The following PCDHA1 variants were observed in gnomAD, a reference collection of about 807,000 sequenced individuals.
PCDHA1 encodes protocadherin alpha 1.
PCDHA1 carries 42 observed loss-of-function variants against 61.3 expected under a neutral mutation model. The observed-to-expected ratio is 0.69, with a 90% CI of 0.54 to 0.89. PCDHA1 has a LOEUF of 0.89. Ranked by LOEUF, PCDHA1 falls within the 40% of genes least tolerant of loss-of-function variation. The pLI, the probability that PCDHA1 is intolerant of heterozygous loss-of-function variation, is 0.00. For synonymous variants in PCDHA1, 610 were observed against 553.8 expected (o/e 1.10, Z -1.43); for missense variants, 1,256 against 1,235.3 (o/e 1.02, Z -0.25).
chr5:140,876,062 G>C, intron 1 of PCDHA1: 1 of 1,613,842 alleles, frequency 6.2e-7, no homozygotes, highest in South Asian at 1.1e-5. Flanking sequence ...TTAGTTCTTC[G>C]GAAGTTATTG....
intron 3 of PCDHA1, among the ~76,000 whole-genome samples, chr5:140,992,799 A>T (rs577698123): frequency 6.6e-6 from 1 of 152,274 alleles, no homozygotes; most frequent in African/African-American, 2.4e-5. Flanking sequence ...TTATGGATCC[A>T]TATGTATCTA....
At chr5:140,820,015 A>G (rs1338632011) in intron 1 of PCDHA1, among the ~76,000 whole-genome samples, 1 of 151,992 alleles carries the variant, frequency 6.6e-6, no homozygotes, top group Non-Finnish European at 1.5e-5. Context: ...AATTTATTCC[A>G]TAGCTTTGTA....
chr5:140,794,833 T>A, intron 1 of PCDHA1: 1 of 1,011,376 alleles, frequency 9.9e-7, no homozygotes, highest in South Asian at 1.7e-5. Context: ...GGAAGGAAAA[T>A]ACCCAGAGCC....
Position 140,786,519 on chromosome 5 carries a change from G to T in PCDHA1, c.229G>T (p.Val77Leu). The change falls in exon 1 of 4, where the codon GTA (valine) becomes TTA (leucine). Residue 77 changes from valine to leucine, a missense_variant. Val to Leu is a conservative substitution (Grantham distance 32). Transcript: ENST00000504120. ...ASKTHRDLLE[V>L]NLQNGILFVN... is the part of the protein sequence containing the mutation. Reference sequence around the variant, plus strand: ...CAAAACACACAGGGACCTTCTGGAGGTAAATCTGCAGAATGGCATTTTGTT... The same window carrying T: ...CAAAACACACAGGGACCTTCTGGAGTTAAATCTGCAGAATGGCATTTTGTT... 6.2e-7 allele frequency: 1 copy of T among 1,614,074 alleles called. No homozygotes were observed. Among genetic ancestry groups the T allele is most frequent in the South Asian group, 1.1e-5 (1 of 91,074 alleles).
At chr5:140,891,722 T>C (rs534881594) in intron 1 of PCDHA1, among the ~76,000 whole-genome samples, 1 of 152,292 alleles carries the variant, frequency 6.6e-6, no homozygotes, top group East Asian at 1.9e-4. Flanking sequence ...CAAATTCATG[T>C]GTTGAAAATT....
At chr5:141,007,395 C>CAAAA (rs35800918) in intron 3 of PCDHA1, among the ~76,000 whole-genome samples, 7 of 94,852 alleles carry the variant, frequency 7.4e-5, no homozygotes, top group East Asian at 2.9e-4. Context: ...TACTAAAATA[C>CAAAA]AAAAAAAAAA....
chr5:140,830,183 G>C, intron 1 of PCDHA1: 1 of 1,613,640 alleles, frequency 6.2e-7, no homozygotes, highest in Non-Finnish European at 8.5e-7. Flanking sequence ...GGATGTCAAC[G>C]TGTACCTGAT....
intron 1 of PCDHA1, chr5:140,830,232 C>T (rs782042680): frequency 1.9e-6 from 3 of 1,613,928 alleles, no homozygotes; most frequent in East Asian, 2.2e-5. Context: ...CTGGTCCTCA[C>T]GCTACTGCTG....
chr5:140,998,042 C>T (rs187874119), intron 3 of PCDHA1, among the ~76,000 whole-genome samples: 21 of 152,284 alleles, frequency 1.4e-4, no homozygotes, highest in Non-Finnish European at 2.2e-4. Flanking sequence ...TGTCACTTAA[C>T]TCAGTGACAT....
At position 140,809,418 on chromosome 5, in the gene PCDHA1, C is replaced by T. The variant is rs1554125201; in HGVS notation, c.2394+20734C>T. Reference sequence around the variant, plus strand: ...AAGCCCACGCTGGTGTGCTCCAGTGCGGTGGGGAGCTGGTCATACTCGCAG... The same window carrying T: ...AAGCCCACGCTGGTGTGCTCCAGTGTGGTGGGGAGCTGGTCATACTCGCAG... On this transcript the variant is annotated intron_variant, in intron 1 of 3. Coordinates refer to ENST00000504120, the MANE Select transcript of PCDHA1 (RefSeq NM_018900.4). The T allele has an allele frequency of 1.9e-6, 3 of 1,614,188 alleles. No homozygotes were observed. Among genetic ancestry groups the T allele is most frequent in the Non-Finnish European group, 2.5e-6 (3 of 1,180,014 alleles).
intron 1 of PCDHA1, chr5:140,864,379 T>G (rs991413766): frequency 6.6e-6 from 1 of 152,364 alleles, no homozygotes; most frequent in African/African-American, 2.4e-5. Flanking sequence ...TCGATAAGTT[T>G]ATCTCTCACA....
At chr5:140,804,260 A>G (rs900532290) in intron 1 of PCDHA1, 3 of 152,212 alleles carry the variant, frequency 2.0e-5, no homozygotes, top group South Asian at 2.1e-4. Context: ...GAGAATAACA[A>G]TTGCATTTAG....
intron 1 of PCDHA1, chr5:140,801,796 T>C (rs1762786887): frequency 6.2e-7 from 1 of 1,613,870 alleles, no homozygotes; most frequent in Non-Finnish European, 8.5e-7. Context: ...AAAAAAAATT[T>C]AAATCGAGAG....
At position 140,802,989 on chromosome 5, in the gene PCDHA1, G is replaced by C. The variant is rs782634798; in HGVS notation, c.2394+14305G>C. 4 of 1,614,030 alleles carry C rather than the reference G, an allele frequency of 2.5e-6. No homozygotes were observed. In the South Asian group the frequency reaches 3.3e-5, roughly 13 times the overall value. ...CGTGGTAGCGAAGGTGCGCGCAGTG[G>C]ATGCAGACTCAGGCTACAACGCGTG... is the stretch of plus-strand genomic sequence containing the variant. On this transcript the variant is annotated intron_variant, in intron 1 of 3. Transcript: ENST00000504120.
At chr5:140,850,812 A>T in intron 1 of PCDHA1, 1 of 1,598,316 alleles carries the variant, frequency 6.3e-7, no homozygotes, top group Non-Finnish European at 8.6e-7. Context: ...CATGGCCTTC[A>T]GCCCGGGCCT....
chr5:140,833,567 T>C (rs912727742), intron 1 of PCDHA1, among the ~76,000 whole-genome samples: 2 of 152,176 alleles, frequency 1.3e-5, no homozygotes, highest in Non-Finnish European at 2.9e-5. Flanking sequence ...AAATATAAAA[T>C]GATGAACTCC....
At position 140,857,221 on chromosome 5, in the gene PCDHA1, C is replaced by G. The variant is rs146953582; in HGVS notation, c.2394+68537C>G. On this transcript the variant is annotated intron_variant, in intron 1 of 3. Transcript: ENST00000504120. ...AGGTCACCTGCTCTCTGACGCCTCA[C>G]GTTCCGTTCAAGCTGGTGTCCACCT... is the stretch of plus-strand genomic sequence containing the variant. 4.4e-4 allele frequency: 711 copies of G among 1,598,474 alleles called. 36 individuals carry two copies. In the African/African-American group the frequency reaches 9.1e-3, roughly 20 times the overall value.
chr5:140,835,773 G>A (rs1554135255), intron 1 of PCDHA1: 5 of 1,613,392 alleles, frequency 3.1e-6, no homozygotes, highest in Admixed American at 3.3e-5. Flanking sequence ...TACGGTGTTC[G>A]TGAAGGAGAA....
In PCDHA1 at chr5:140,830,082, C is replaced by T. The variant is rs1330292023; in HGVS notation, c.2394+41398C>T. On this transcript the variant is annotated intron_variant, in intron 1 of 3. Coordinates refer to ENST00000504120, the MANE Select transcript of PCDHA1 (RefSeq NM_018900.4). ...GAGCCGGCGCTGACAGCGACGGCCA[C>T]GGTTCTGGTGTCGCTGGTGGAGAGT... 8.7e-6 allele frequency: 14 copies of T among 1,613,566 alleles called. No homozygotes were observed. The highest frequency in any genetic ancestry group is 1.3e-5 in the African/African-American group (1 of 75,018).
Sources: gnomAD v4.1 joint callset for allele counts (sites outside exome capture counted in the v4.1 genomes callset) on GRCh38, gnomAD v4.1.1 for gene constraint, MANE v1.5 for transcripts, NCBI Gene and HGNC (gene_info 2026-07-23, HGNC 2026-07-21) for gene names.